Variants in ROBO2 observed in about 807,000 individuals in gnomAD.
The protein encoded by ROBO2 is roundabout homolog 2.
In ROBO2, 53 loss-of-function variants were observed where a neutral mutation model predicts 160.8. That is an observed-to-expected ratio of 0.33 (90% CI 0.26 to 0.41). The LOEUF is 0.41. Among genes scored for constraint, ROBO2 ranks in the 10% least tolerant of loss-of-function variants. The pLI, the probability that ROBO2 is intolerant of heterozygous loss-of-function variation, is 1.00. For missense variants in ROBO2, 1,577 were observed against 1,722.4 expected, an observed-to-expected ratio of 0.92 and a Z score of 1.49; for synonymous variants, 664 against 611.7, an observed-to-expected ratio of 1.09 and a Z score of -1.26.
chr3:76,101,679 T>A (rs1450796065), intron 2 of ROBO2, among the ~76,000 whole-genome samples: 10 of 151,072 alleles, frequency 6.6e-5, no homozygotes. Context: ...GTATATCTCC[T>A]AATGCTATCC....
chr3:76,594,863 A>C (rs1354120297), intron 2 of ROBO2, among the ~76,000 whole-genome samples: 1 of 152,058 alleles, frequency 6.6e-6, no homozygotes, highest in Non-Finnish European at 1.5e-5. Context: ...CCTGTTTTTC[A>C]ATGGAAAAAT....
intron 2 of ROBO2, among the ~76,000 whole-genome samples, chr3:75,943,316 G>A (rs1948137345): frequency 6.6e-6 from 1 of 151,992 alleles, no homozygotes; most frequent in Non-Finnish European, 1.5e-5. Flanking sequence ...TGTTCTTTAA[G>A]GTACATCTCC....
chr3:77,362,542 A>G (rs143547464), intron 2 of ROBO2, among the ~76,000 whole-genome samples: 3 of 152,240 alleles, frequency 2.0e-5, no homozygotes, highest in Non-Finnish European at 2.9e-5. Context: ...GGTTCTTGCT[A>G]AAACTGGATT....
intron 2 of ROBO2, among the ~76,000 whole-genome samples, chr3:76,074,466 A>G (rs567698310): frequency 1.3e-5 from 2 of 152,338 alleles, no homozygotes; most frequent in Admixed American, 1.3e-4. Flanking sequence ...ATTAATTGGT[A>G]ATGTGTAATC....
chr3:76,798,259 G>GGAAGGAAAGAAAGAAA (rs764074863), intron 2 of ROBO2, among the ~76,000 whole-genome samples: 6 of 94,282 alleles, frequency 6.4e-5, no homozygotes, highest in African/African-American at 2.0e-4. Flanking sequence ...AAAGAAAGAA[G>GGAAGGAAAGAAAGAAA]GAAAGAAAGA....
At chr3:77,246,360 T>TGTGC (rs748672940) in intron 2 of ROBO2, among the ~76,000 whole-genome samples, 5 of 151,034 alleles carry the variant, frequency 3.3e-5, no homozygotes, top group African/African-American at 1.2e-4. Flanking sequence ...TGTGTGTGTG[T>TGTGC]TTTGCATGTT....
chr3:76,058,800 TC>T (rs1164812340), intron 2 of ROBO2, among the ~76,000 whole-genome samples: 1 of 55,532 alleles, frequency 1.8e-5, no homozygotes, highest in Non-Finnish European at 3.2e-5. Flanking sequence ...CCCTCCCCCC[TC>T]CCCCCACCCC....
chr3:77,562,570 A>T, intron 9 of ROBO2, 81 bp from the exon 11 acceptor site: 1 of 960,050 alleles, frequency 1.0e-6, no homozygotes, highest in Non-Finnish European at 1.7e-6. Context: ...TTAAGAAATT[A>T]AATATTGCCT....
chr3:76,138,195 G>GT (rs1200796584), intron 2 of ROBO2, among the ~76,000 whole-genome samples: 2 of 151,796 alleles, frequency 1.3e-5, no homozygotes, highest in African/African-American at 2.4e-5. Context: ...AATCACTGTG[G>GT]TTTTTTAAAC....
At position 76,928,309 on chromosome 3, in the gene ROBO2, A is replaced by G. The variant is rs971968457; in HGVS notation, c.110-169705A>G. ...AGCTTCTAGAAAGGAAAGCAGCCCT[A>G]CCTACCCATACCTTGATTTTAGCCT... On this transcript the variant is annotated intron_variant, in intron 2 of 26. Transcript: ENST00000487694. 4.6e-5 allele frequency among the ~76,000 whole-genome samples: 7 copies of G among 152,282 alleles called. 1 individual carries two copies. The highest frequency in any genetic ancestry group is 8.8e-5 in the Non-Finnish European group (6 of 68,012).
intron 2 of ROBO2, among the ~76,000 whole-genome samples, chr3:77,382,362 T>TAAAAAAA (rs138278147): frequency 7.1e-4 from 106 of 149,070 alleles, no homozygotes; most frequent in East Asian, 2.4e-3. Context: ...TTTTTTTTTT[T>TAAAAAAA]AAAAAGTCTT....
At chr3:76,007,230 CAAG>C (rs1466784804) in intron 2 of ROBO2, among the ~76,000 whole-genome samples, 3 of 151,970 alleles carry the variant, frequency 2.0e-5, no homozygotes, top group Non-Finnish European at 2.9e-5. Flanking sequence ...AAATAAAAAT[CAAG>C]AAGGTCATTT....
intron 2 of ROBO2, among the ~76,000 whole-genome samples, chr3:77,439,361 A>G (rs750533558): frequency 6.6e-5 from 10 of 152,192 alleles, no homozygotes; most frequent in South Asian, 2.1e-4. Flanking sequence ...AAGGAGGACT[A>G]TGTCATTTCT....
At chr3:77,286,525 G>C (rs1023906572) in intron 2 of ROBO2, among the ~76,000 whole-genome samples, 29 of 152,178 alleles carry the variant, frequency 1.9e-4, no homozygotes, top group South Asian at 2.1e-4. Flanking sequence ...CAAACTGCTG[G>C]GATTACAGGC....
chr3:76,215,977 C>T (rs190579646), intron 2 of ROBO2, among the ~76,000 whole-genome samples: 22 of 152,332 alleles, frequency 1.4e-4, no homozygotes, highest in African/African-American at 5.3e-4. Context: ...AGAAACTCTA[C>T]AAGCCAGAAG....
intron 2 of ROBO2, among the ~76,000 whole-genome samples, chr3:76,058,810 C>A (rs2067957066): frequency 9.6e-6 from 1 of 104,262 alleles, no homozygotes; most frequent in African/African-American, 3.8e-5. Context: ...TCCCCCCACC[C>A]CACAACAGGC....
intron 2 of ROBO2, among the ~76,000 whole-genome samples, chr3:77,293,676 G>C (rs1394996400): frequency 2.8e-5 from 4 of 141,132 alleles, no homozygotes; most frequent in Non-Finnish European, 4.5e-5. Flanking sequence ...TAAAATTGAT[G>C]GTTAAATGGG....
chr3:77,292,869 C>T (rs1236098393), intron 2 of ROBO2, among the ~76,000 whole-genome samples: 1 of 146,876 alleles, frequency 6.8e-6, no homozygotes, highest in Non-Finnish European at 1.5e-5. Context: ...TCACTAAAGA[C>T]ATAAAGTAAA....
intron 2 of ROBO2, among the ~76,000 whole-genome samples, chr3:77,415,093 A>G (rs770799783): frequency 6.6e-6 from 1 of 152,196 alleles, no homozygotes; most frequent in Non-Finnish European, 1.5e-5. Flanking sequence ...ATCCAGGAAT[A>G]TTCAGGACAT....
Sources: gnomAD v4.1 joint callset for allele counts (sites outside exome capture counted in the v4.1 genomes callset) on GRCh38, gnomAD v4.1.1 for gene constraint, MANE v1.5 for transcripts, NCBI Gene and HGNC (gene_info 2026-07-23, HGNC 2026-07-21) for gene names.